The following POLR2M variants were observed in gnomAD, a reference collection of about 807,000 sequenced individuals.
The protein encoded by POLR2M is protein GRINL1A.
A neutral mutation model predicts 34.6 loss-of-function variants in POLR2M; 30 were observed. The ratio of observed to expected loss-of-function variants is 0.87; its 90% confidence interval spans 0.65 to 1.18. POLR2M has a LOEUF of 1.18. Ranked by LOEUF, POLR2M falls within the 50% of genes most tolerant of loss-of-function variation. The probability of loss-of-function intolerance (pLI) is 0.00; values close to 1 mark genes in which losing one functional copy is unlikely to be tolerated. For missense variants in POLR2M, 432 were observed against 448.7 expected (o/e 0.96, Z 0.34); for synonymous variants, 150 against 166.7 (o/e 0.90, Z 0.77).
At chr15:57,709,927 G>A (rs2040644411) in intron 2 of POLR2M, among the ~76,000 whole-genome samples, 1 of 152,156 alleles carries the variant, frequency 6.6e-6, no homozygotes, top group South Asian at 2.1e-4. Flanking sequence ...GAAATTATTT[G>A]CATGCTCACT....
chr15:57,713,367 C>G (rs769531563), intron 3 of POLR2M, among the ~76,000 whole-genome samples: 2 of 151,958 alleles, frequency 1.3e-5, no homozygotes, highest in Non-Finnish European at 2.9e-5. Flanking sequence ...TTTACTGTCT[C>G]TGAGCTCTTA....
chr15:57,708,578 T>G lies in POLR2M; in HGVS notation c.114-136T>G, dbSNP rs559965248. 5.0e-6 allele frequency: 4 copies of G among 794,274 alleles called. No homozygotes were observed. The East Asian group carries it at 8.4e-5, about 17-fold the overall frequency. 49.2% of individuals were successfully genotyped at this position (794,274 alleles called of 1,614,324 possible). ...CATTTTAATTGTTTTATTCTTGTTT[T>G]GGGGCAGTTAGAAATCAGATATTTG... On this transcript the variant is annotated intron_variant, in intron 1 of 3. Transcript: ENST00000299638.
At chr15:57,713,903 G>A (rs2040841639) in intron 3 of POLR2M, among the ~76,000 whole-genome samples, 2 of 123,314 alleles carry the variant, frequency 1.6e-5, no homozygotes, top group South Asian at 2.7e-4. Context: ...GTTCAGTGGC[G>A]CAGTCTCAGC....
chr15:57,709,573 C>T (rs772232217), intron 2 of POLR2M, among the ~76,000 whole-genome samples: 3 of 152,078 alleles, frequency 2.0e-5, no homozygotes, highest in Non-Finnish European at 4.4e-5. Context: ...GCTCTAAGTT[C>T]CGTGGGCTTT....
Position 57,709,300 on chromosome 15 carries a change from G to T in POLR2M, c.700G>T (p.Val234Leu). The T allele has an allele frequency of 6.2e-7, 1 of 1,614,184 alleles. No individual in the cohort carries two copies. Among genetic ancestry groups the T allele is most frequent in the Non-Finnish European group, 8.5e-7 (1 of 1,180,038 alleles). ...GTEKKPHYME[V>L]LEMRAKNPVP... ...TGAGAAGAAACCTCATTACATGGAA[G>T]TGCTAGAAATGCGAGCCAAAAACCC... is the stretch of plus-strand genomic sequence containing the variant. The change falls in exon 2 of 4, where the codon GTG becomes TTG. Residue 234 changes from valine (V) to leucine (L), a missense_variant. Transcript: ENST00000299638.
At chr15:57,713,641 C>G (rs2040825530) in intron 3 of POLR2M, among the ~76,000 whole-genome samples, 1 of 151,982 alleles carries the variant, frequency 6.6e-6, no homozygotes, top group Non-Finnish European at 1.5e-5. Flanking sequence ...TTTACTTGGA[C>G]TTTTTATTGG....
Position 57,709,332 on chromosome 15 carries a change from C to A in POLR2M, c.732C>A (p.Pro244=), listed in dbSNP as rs1293781986. The A allele has an allele frequency of 6.2e-7, 1 of 1,613,248 alleles. No homozygotes were observed. Among genetic ancestry groups the A allele is most frequent in the Non-Finnish European group, 8.5e-7 (1 of 1,179,686 alleles). Residue 244 remains proline, a synonymous_variant, in exon 2 of 4, where the codon CCC becomes CCA. Transcript: ENST00000299638. The part of the protein sequence containing the change: ...VLEMRAKNPV[P]QLRKFKTNVL... ...AAATGCGAGCCAAAAACCCAGTGCC[C>A]CAGCTGCGTAAATTTAAAACCAATG...
intron 1 of POLR2M, chr15:57,707,331 A>G: frequency 1.4e-6 from 1 of 723,858 alleles, no homozygotes; most frequent in Non-Finnish European, 2.4e-6. Flanking sequence ...CTAAGCTTAC[A>G]GGAACCGTAG....
chr15:57,710,319 A>C (rs1161544025), intron 2 of POLR2M, among the ~76,000 whole-genome samples: 1 of 152,262 alleles, frequency 6.6e-6, no homozygotes, highest in Non-Finnish European at 1.5e-5. Context: ...ACTTGCAGCA[A>C]ATGTAACATT....
chr15:57,706,972 C>G lies in POLR2M; in HGVS notation c.113+17C>G, dbSNP rs758170606. The G allele has an allele frequency of 5.7e-6, 9 of 1,571,984 alleles. No homozygotes were observed. Among genetic ancestry groups the G allele is most frequent in the Non-Finnish European group, 6.9e-6 (8 of 1,158,162 alleles). The stretch of plus-strand genomic sequence containing the variant: ...GCGCAACGAGTAAGCTGGGGTCCCG[C>G]GGAGTCTCCGCCAGGCTCCTTCAGC... On this transcript the variant is annotated intron_variant, in intron 1 of 3. Coordinates refer to ENST00000299638, the MANE Select transcript of POLR2M (RefSeq NM_015532.5).
In POLR2M at chr15:57,716,465, A is replaced by C. The variant is rs181020891; in HGVS notation, c.*1786A>C. ...GTTTTTGAGAATTTTTATATATATT[A>C]CTCACTGCAGAGATCATGTTCATTT... On this transcript the variant is annotated 3_prime_UTR_variant, in exon 4 of 4. Transcript: ENST00000299638. 3.4e-3 allele frequency: 511 copies of C among 152,338 alleles called. No individual in the cohort carries two copies. The highest frequency in any genetic ancestry group is 7.5e-3 in the Admixed American group (115 of 15,298). The allele number at this position is 152,338 out of a possible 1,614,324, so 9.4% of individuals were successfully genotyped here. A position where few individuals can be genotyped will look rare whatever the true frequency, so the allele number is the denominator to read the frequency against.
chr15:57,712,059 G>T lies in POLR2M; in HGVS notation c.834G>T (p.Arg278=). 6.2e-7 allele frequency: 1 copy of T among 1,614,054 alleles called. No individual in the cohort carries two copies. Among genetic ancestry groups the T allele is most frequent in the Non-Finnish European group, 8.5e-7 (1 of 1,179,982 alleles). Reference sequence around the variant, plus strand: ...CTCCTATTTCCTCAGAAGAGCGGCGGCGCAGGGATAAGCAGCATCTTGATG... The same window carrying T: ...CTCCTATTTCCTCAGAAGAGCGGCGTCGCAGGGATAAGCAGCATCTTGATG... ...SGSPISSEER[R]RRDKQHLDDI... is the part of the protein sequence containing the mutation. Residue 278 remains arginine (R), a synonymous_variant, in exon 3 of 4, where the codon CGG becomes CGT. Coordinates refer to ENST00000299638, the MANE Select transcript of POLR2M (RefSeq NM_015532.5).
intron 3 of POLR2M, among the ~76,000 whole-genome samples, 180 bp downstream of exon 3, chr15:57,712,368 G>C (rs1332254862): frequency 2.0e-5 from 3 of 152,202 alleles, no homozygotes; most frequent in African/African-American, 7.2e-5. Context: ...GAAGTAGCTA[G>C]AGATGATCAC....
At position 57,711,981 on chromosome 15, in the gene POLR2M, C is replaced by A. The variant is rs111925882; in HGVS notation, c.759-3C>A. The A allele has an allele frequency of 5.7e-4, 918 of 1,613,874 alleles. 3 individuals are homozygous for A. The African/African-American group carries it at 0.01, about 18-fold the overall frequency. ...TGTATAACACAAGTTTTCCTTTCAT[C>A]AGGTTACCTTTTCGACAAAATGATT... On this transcript the variant is annotated splice_polypyrimidine_tract_variant and splice_region_variant and intron_variant, in intron 2 of 3. Transcript: ENST00000299638.
chr15:57,708,469 A>G (rs1212504504), intron 1 of POLR2M, among the ~76,000 whole-genome samples: 2 of 152,150 alleles, frequency 1.3e-5, no homozygotes. Context: ...CTTTTGCTGA[A>G]ATTCTAATTT....
chr15:57,714,631 C>G lies in POLR2M; in HGVS notation c.1059C>G (p.Tyr353Ter). The G allele has an allele frequency of 6.2e-7, 1 of 1,612,504 alleles. No homozygotes were observed. The highest frequency in any genetic ancestry group is 8.5e-7 in the Non-Finnish European group (1 of 1,179,794). ...YNPEGESSGR[Y>*]REVRDEDDDW... is the part of the protein sequence containing the mutation. ...CAGAAGGGGAGTCTTCAGGGAGATA[C>G]CGAGAAGTAAGGGATGAAGATGACG... Residue 353 changes from tyrosine to a stop codon, truncating the protein, a stop_gained, in exon 4 of 4, where the codon TAC (tyrosine) becomes TAG (stop). Transcript: ENST00000299638. LOFTEE classifies it high-confidence loss of function.
In POLR2M at chr15:57,706,934, A is replaced by T. The variant is rs1178872006; in HGVS notation, c.92A>T (p.Gln31Leu). The part of the protein sequence containing the change: ...LVELREMLKR[Q>L]ERLLRNEKFI... ...GAGCTGCGGGAAATGTTGAAGCGCCAGGAGAGACTTTTGCGCAACGAGTAA... is the reference window on the plus strand; with the variant it reads ...GAGCTGCGGGAAATGTTGAAGCGCCTGGAGAGACTTTTGCGCAACGAGTAA... The change falls in exon 1 of 4, where the codon CAG becomes CTG. Residue 31 changes from glutamine (Q) to leucine (L), a missense_variant. Coordinates refer to ENST00000299638, the MANE Select transcript of POLR2M (RefSeq NM_015532.5). The T allele has an allele frequency of 6.2e-7, 1 of 1,603,846 alleles. No homozygotes were observed. Among genetic ancestry groups the T allele is most frequent in the East Asian group, 2.2e-5 (1 of 44,520 alleles).
rs1402375226 is a variant in POLR2M at position 57,709,042 on chromosome 15, T to C, written c.442T>C (p.Tyr148His). ...EGDEETSEVEYTVNKGPASSN... is the reference protein window; with the variant it reads ...EGDEETSEVEHTVNKGPASSN... The stretch of plus-strand genomic sequence containing the variant: ...TGATGAAGAGACTTCAGAGGTTGAG[T>C]ACACAGTGAATAAGGGCCCAGCTTC... Residue 148 changes from tyrosine to histidine, a missense_variant, in exon 2 of 4, where the codon TAC becomes CAC. Tyr to His is a moderately conservative substitution (Grantham distance 83, BLOSUM62 2). Coordinates refer to ENST00000299638, the MANE Select transcript of POLR2M (RefSeq NM_015532.5). 3 of 1,613,900 alleles carry C rather than the reference T, an allele frequency of 1.9e-6. No homozygotes were observed. The highest frequency in any genetic ancestry group is 2.5e-6 in the Non-Finnish European group (3 of 1,179,986).
At position 57,708,661 on chromosome 15, in the gene POLR2M, T is replaced by C; in HGVS notation, c.114-53T>C. The C allele has an allele frequency of 2.0e-6, 3 of 1,467,062 alleles. No homozygotes were observed. The South Asian group carries it at 4.3e-5, about 21-fold the overall frequency. 90.9% of individuals were successfully genotyped at this position (1,467,062 alleles called of 1,614,324 possible). A position where few individuals can be genotyped will look rare whatever the true frequency, so the allele number is the denominator to read the frequency against. Reference sequence around the variant, plus strand: ...AATGCCTTGCCTTTTTAATGTTATATCTCAAGTTAAAAAAATGGCTGTAAT... The same window carrying C: ...AATGCCTTGCCTTTTTAATGTTATACCTCAAGTTAAAAAAATGGCTGTAAT... On this transcript the variant is annotated intron_variant, in intron 1 of 3. Transcript: ENST00000299638.
Sources: gnomAD v4.1 joint callset for allele counts (sites outside exome capture counted in the v4.1 genomes callset) on GRCh38, gnomAD v4.1.1 for gene constraint, MANE v1.5 for transcripts, NCBI Gene and HGNC (gene_info 2026-07-23, HGNC 2026-07-21) for gene names.